ESYT3: variants seen among roughly 807,000 people sequenced by gnomAD.
The protein encoded by ESYT3 is extended synaptotagmin-3.
A neutral mutation model predicts 111.5 loss-of-function variants in ESYT3; 101 were observed. The ratio of observed to expected loss-of-function variants is 0.91; its 90% CI spans 0.77 to 1.07. ESYT3 has a LOEUF of 1.07. Ranked by LOEUF, ESYT3 falls within the 50% of genes least tolerant of loss-of-function variation. The pLI is 0.00. For missense variants in ESYT3, 1,097 were observed against 1,109.4 expected (o/e 0.99, Z 0.16); for synonymous variants, 416 against 446.8 (o/e 0.93, Z 0.87).
intron 8 of ESYT3, 123 bp downstream of exon 8, chr3:138,462,329 T>A: frequency 7.3e-7 from 1 of 1,361,912 alleles, no homozygotes; most frequent in Non-Finnish European, 1.0e-6. Flanking sequence ...AGAAAAATGG[T>A]ACAAACACCA....
chr3:138,442,361 C>T (rs943688770), intron 1 of ESYT3, among the ~76,000 whole-genome samples: 7 of 152,238 alleles, frequency 4.6e-5, no homozygotes, highest in South Asian at 2.1e-4. Flanking sequence ...CTTCTAAGGA[C>T]GATCATATCC....
chr3:138,466,113 A>G (rs971390462), intron 10 of ESYT3, among the ~76,000 whole-genome samples: 1 of 152,194 alleles, frequency 6.6e-6, no homozygotes, highest in Non-Finnish European at 1.5e-5. Context: ...ACCCATTATG[A>G]AGTGGGGGAG....
intron 1 of ESYT3, among the ~76,000 whole-genome samples, chr3:138,444,898 C>T (rs970535301): frequency 6.6e-6 from 1 of 152,184 alleles, no homozygotes; most frequent in Non-Finnish European, 1.5e-5. Context: ...CAAACTTAGT[C>T]AGGAACCCCC....
chr3:138,476,636 C>T, intron 22 of ESYT3, 144 bp downstream of exon 22: 1 of 1,044,080 alleles, frequency 9.6e-7, no homozygotes, highest in Non-Finnish European at 1.5e-6. Flanking sequence ...GCAGATCTCA[C>T]TGATACCCTA....
In ESYT3 at chr3:138,440,089, C is replaced by G. The variant is rs1230757503; in HGVS notation, c.327+4964C>G. ...TCTTCATAGCTGTAGGGTCTGCCAT[C>G]ATTAACCAGTCCCGAGCCTGCTTTT... On this transcript the variant is annotated intron_variant, in intron 1 of 22. Coordinates refer to ENST00000389567, the MANE Select transcript of ESYT3 (RefSeq NM_031913.5). This position sits in a 1 kb window ranked among gnomAD's most constrained non-coding sequence, Gnocchi z 4.2. Among the ~76,000 whole-genome samples, 4 of 152,206 alleles carry G rather than the reference C, an allele frequency of 2.6e-5. No homozygotes were observed. Among genetic ancestry groups the G allele is most frequent in the Admixed American group, 2.6e-4 (4 of 15,278 alleles).
chr3:138,476,750 G>A (rs1237555135), intron 22 of ESYT3, 68 bp from the exon 23 acceptor site: 2 of 1,482,460 alleles, frequency 1.3e-6, no homozygotes, highest in East Asian at 2.3e-5. Flanking sequence ...GCAGGACTAG[G>A]CAGTTTGTCC....
chr3:138,472,185 G>T (rs529684439), intron 17 of ESYT3, among the ~76,000 whole-genome samples, 178 bp from the exon 18 acceptor site: 1 of 151,976 alleles, frequency 6.6e-6, no homozygotes, highest in South Asian at 2.1e-4. Context: ...CATTTTATTT[G>T]GCATTTCTAA....
chr3:138,452,537 T>C lies in ESYT3; in HGVS notation c.369+448T>C, dbSNP rs149279497. On this transcript the variant is annotated intron_variant, in intron 2 of 22. Coordinates refer to ENST00000389567, the MANE Select transcript of ESYT3 (RefSeq NM_031913.5). ...ATTAGAGTCCTTGCCCTGGCTCGAT[T>C]CACTGACATCACTACTGTAATTGCT... 7.8e-4 allele frequency among the ~76,000 whole-genome samples: 119 copies of C among 152,310 alleles called. No individual in the cohort carries two copies. In the Middle Eastern group the frequency reaches 0.017, roughly 22 times the overall value.
chr3:138,462,306 G>A (rs1322590596), intron 8 of ESYT3, 100 bp downstream of exon 8: 7 of 1,514,180 alleles, frequency 4.6e-6, no homozygotes, highest in South Asian at 2.3e-5. Flanking sequence ...TCACACTAAT[G>A]CTTGACAGTC....
intron 20 of ESYT3, chr3:138,474,592 A>G (rs2033399726): frequency 5.5e-6 from 2 of 361,830 alleles, no homozygotes; most frequent in South Asian, 1.8e-4. Context: ...TGAATATGGA[A>G]TGTTCCCTAC....
At chr3:138,476,732 C>G in intron 22 of ESYT3, 86 bp from the exon 23 acceptor site, 1 of 1,377,722 alleles carries the variant, frequency 7.3e-7, no homozygotes, top group Non-Finnish European at 1.0e-6. Flanking sequence ...TTACAGAGGC[C>G]CAGGCAGGCA....
chr3:138,452,540 C>T (rs2032015247), intron 2 of ESYT3, among the ~76,000 whole-genome samples: 1 of 152,214 alleles, frequency 6.6e-6, no homozygotes, highest in South Asian at 2.1e-4. Context: ...GCTCGATTCA[C>T]TGACATCACT....
At chr3:138,436,104 A>AG (rs2030661696) in intron 1 of ESYT3, among the ~76,000 whole-genome samples, 1 of 152,090 alleles carries the variant, frequency 6.6e-6, no homozygotes, top group Non-Finnish European at 1.5e-5. Flanking sequence ...GTGAGGTGTG[A>AG]GAAAAAAATA....
At chr3:138,439,836 G>T (rs2031007001) in intron 1 of ESYT3, among the ~76,000 whole-genome samples, 1 of 152,188 alleles carries the variant, frequency 6.6e-6, no homozygotes. Flanking sequence ...GTCTATCTGT[G>T]GTTTCTAGCC....
intron 1 of ESYT3, among the ~76,000 whole-genome samples, chr3:138,441,078 C>T (rs997595277): frequency 2.0e-5 from 3 of 152,202 alleles, no homozygotes; most frequent in African/African-American, 2.4e-5. Flanking sequence ...CCCAGGAAGC[C>T]TTCTTGGAGG....
At chr3:138,468,429 G>A (rs369913342) in intron 12 of ESYT3, among the ~76,000 whole-genome samples, 1 of 152,238 alleles carries the variant, frequency 6.6e-6, no homozygotes, top group African/African-American at 2.4e-5. Flanking sequence ...GTCAATGCCT[G>A]TCCTCCCAGT....
intron 1 of ESYT3, among the ~76,000 whole-genome samples, chr3:138,442,318 GTTC>G (rs1327944684): frequency 7.9e-5 from 12 of 152,022 alleles, no homozygotes; most frequent in African/African-American, 2.9e-4. Flanking sequence ...GATTTTTTAT[GTTC>G]TTAACATTAT....
intron 6 of ESYT3, 50 bp from the exon 7 acceptor site, chr3:138,460,561 C>T (rs141484742): frequency 2.8e-5 from 45 of 1,599,872 alleles, no homozygotes; most frequent in Non-Finnish European, 3.6e-5. Context: ...GGTTCTCAGC[C>T]CTGGGCTCCC....
At chr3:138,448,828 G>A (rs910923093) in intron 1 of ESYT3, among the ~76,000 whole-genome samples, 1 of 152,178 alleles carries the variant, frequency 6.6e-6, no homozygotes, top group Non-Finnish European at 1.5e-5. Context: ...CTTGCACCTC[G>A]GCTCACTGGG....
Sources: allele counts gnomAD v4.1 joint callset (sites outside exome capture counted in the v4.1 genomes callset), GRCh38; gene constraint gnomAD v4.1.1; non-coding constraint Gnocchi (gnomAD v3.1); transcripts MANE v1.5; gene names NCBI Gene and HGNC (gene_info 2026-07-23, HGNC 2026-07-21).